NOS1: variants seen among roughly 807,000 people sequenced by gnomAD.
NOS1 encodes NOS type I.
A neutral mutation model predicts 164.5 loss-of-function variants in NOS1; 51 were observed. That is an observed-to-expected ratio of 0.31 (90% confidence interval 0.25 to 0.39). The LOEUF is 0.39. Among genes scored for constraint, NOS1 ranks in the 10% least tolerant of loss-of-function variants. NOS1 has a pLI of 1.00. For synonymous variants in NOS1, 719 were observed against 745.8 expected (o/e 0.96, Z 0.59); for missense variants, 1,362 against 1,885.6 (o/e 0.72, Z 5.14).
chr12:117,278,970 AAAT>A (rs1294063576), intron 8 of NOS1, among the ~76,000 whole-genome samples: 1 of 150,850 alleles, frequency 6.6e-6, no homozygotes, highest in Non-Finnish European at 1.5e-5. Context: ...GAGTGTATTT[AAAT>A]AATATATTTA....
chr12:117,213,658 C>G lies in NOS1; in HGVS notation c.*1651G>C, dbSNP rs1956561142. The G allele has an allele frequency of 3.0e-6, 3 of 985,284 alleles. No individual in the cohort carries two copies. Among genetic ancestry groups the G allele is most frequent in the Non-Finnish European group, 3.6e-6 (3 of 829,952 alleles). 61.0% of individuals were successfully genotyped at this position (985,284 alleles called of 1,614,324 possible). On this transcript the variant is annotated 3_prime_UTR_variant, in exon 29 of 29. Coordinates refer to ENST00000317775, the MANE Select transcript of NOS1 (RefSeq NM_000620.5). Reference sequence around the variant, plus strand: ...TTTAGCAGACACCCAAACTGAACAACAAGATATGCCCACGTACAGTATATA... The same window carrying G: ...TTTAGCAGACACCCAAACTGAACAAGAAGATATGCCCACGTACAGTATATA...
Position 117,278,713 on chromosome 12 carries a change from T to C in NOS1, c.1525-615A>G, listed in dbSNP as rs112035699. 4.9e-4 allele frequency among the ~76,000 whole-genome samples: 74 copies of C among 151,892 alleles called. 1 individual carries two copies. Among genetic ancestry groups the C allele is most frequent in the African/African-American group, 1.6e-3 (67 of 41,494 alleles). ...AAACAACTGGTGAAAATAATTTTGA[T>C]TTTATCTTTTTTTTGCTAGGCTTCT... On this transcript the variant is annotated intron_variant, in intron 8 of 28. Transcript: ENST00000317775.
chr12:117,258,501 G>T, intron 15 of NOS1, 46 bp from the exon 16 acceptor site: 1 of 1,592,558 alleles, frequency 6.3e-7, no homozygotes, highest in Non-Finnish European at 8.6e-7. Flanking sequence ...CTTAGTAAAT[G>T]GGAAATCAGG....
In NOS1 at chr12:117,260,787, C is replaced by A. The variant is rs41362246; in HGVS notation, c.2223-178G>T. Among the ~76,000 whole-genome samples the A allele has an allele frequency of 8.6e-3, 1,302 of 151,306 alleles. 17 individuals carry two copies. The highest frequency in any genetic ancestry group is 0.03 in the African/African-American group (1,211 of 41,008). On this transcript the variant is annotated intron_variant, in intron 13 of 28. Coordinates refer to ENST00000317775, the MANE Select transcript of NOS1 (RefSeq NM_000620.5). ...ACTTGAAGTCTTTGTGTTTAAGCAC[C>A]GTATTATTAAAGTATTATTAAATCC...
chr12:117,340,873 ATT>A (rs56322341), intron 1 of NOS1, among the ~76,000 whole-genome samples: 158 of 104,482 alleles, frequency 1.5e-3, no homozygotes, highest in African/African-American at 5.8e-3. Context: ...ACACCTGGCT[ATT>A]TTTTTTTTTT....
intron 3 of NOS1, among the ~76,000 whole-genome samples, chr12:117,309,972 T>A (rs1488024871): frequency 6.6e-6 from 1 of 152,178 alleles, no homozygotes; most frequent in African/African-American, 2.4e-5. Context: ...AGTAATACAA[T>A]CACAGCTCAC....
At chr12:117,223,710 A>C (rs1868399499) in intron 25 of NOS1, among the ~76,000 whole-genome samples, 1 of 149,782 alleles carries the variant, frequency 6.7e-6, no homozygotes, top group African/African-American at 2.5e-5. Context: ...GGTGGAGTGC[A>C]ATGGCACTAT....
chr12:117,334,071 G>C (rs1875685405), intron 1 of NOS1, among the ~76,000 whole-genome samples: 1 of 152,230 alleles, frequency 6.6e-6, no homozygotes, highest in Non-Finnish European at 1.5e-5. Context: ...CTTACTAAAG[G>C]ACAGAGGCGG....
Position 117,281,344 on chromosome 12 carries a change from AC to A in NOS1, c.1383-479del, listed in dbSNP as rs1302858433. ...AGACCAGCCTGGCCAACACAGTGAA[AC>A]CCCGTCTCTACAAAAATACAAAAAG... On this transcript the variant is annotated intron_variant, in intron 7 of 28. Coordinates refer to ENST00000317775, the MANE Select transcript of NOS1 (RefSeq NM_000620.5). Among the ~76,000 whole-genome samples the A allele has an allele frequency of 5.9e-5, 9 of 151,606 alleles. No homozygotes were observed. The East Asian group carries it at 1.8e-3, about 30-fold the overall frequency.
intron 20 of NOS1, among the ~76,000 whole-genome samples, chr12:117,241,959 A>G (rs890704852): frequency 1.3e-5 from 2 of 152,234 alleles, no homozygotes; most frequent in Admixed American, 6.5e-5. Flanking sequence ...CTTAGGAAGA[A>G]TGACTTGAAG....
In NOS1 at chr12:117,225,134, T is replaced by G. The variant is rs764494352; in HGVS notation, c.3708A>C (p.Ala1236=). ...GGTTCCGGGGCAGGTGGAAGCTGGG[T>G]GCTCTGGGCAAGGAAGAGGGGGTCA... The part of the protein sequence containing the change: ...DELVPCFVRG[A]PSFHLPRNPQ... The change falls in exon 25 of 29, where the codon GCA becomes GCC. Residue 1236 remains alanine, a synonymous_variant. Coordinates refer to ENST00000317775, the MANE Select transcript of NOS1 (RefSeq NM_000620.5). 11 of 1,611,880 alleles carry G rather than the reference T, an allele frequency of 6.8e-6. No homozygotes were observed. The Admixed American group carries it at 1.8e-4, about 27-fold the overall frequency.
chr12:117,302,614 A>AG (rs1873898986), intron 3 of NOS1, among the ~76,000 whole-genome samples: 1 of 151,868 alleles, frequency 6.6e-6, no homozygotes, highest in South Asian at 2.1e-4. Flanking sequence ...AAAAAAAAAA[A>AG]AAAATTAGTT....
At position 117,278,530 on chromosome 12, in the gene NOS1, AG is replaced by A. The variant is rs1156713708; in HGVS notation, c.1525-433del. ...CCAGCTCTGTGTTTGTAATAATATA[AG>A]GTATTGTAAGATACAAAGAAAATCT... On this transcript the variant is annotated intron_variant, in intron 8 of 28. Coordinates refer to ENST00000317775, the MANE Select transcript of NOS1 (RefSeq NM_000620.5). Among the ~76,000 whole-genome samples, 15 of 152,308 alleles carry A rather than the reference AG, an allele frequency of 9.8e-5. No homozygotes were observed. The East Asian group carries it at 1.9e-3, about 20-fold the overall frequency.
chr12:117,338,818 C>A (rs977629154), intron 1 of NOS1, among the ~76,000 whole-genome samples: 3 of 152,058 alleles, frequency 2.0e-5, no homozygotes, highest in Non-Finnish European at 4.4e-5. Flanking sequence ...TCAAAGAAAA[C>A]AAAACCCAGC....
chr12:117,326,656 C>T (rs147915231), intron 2 of NOS1, among the ~76,000 whole-genome samples: 199 of 152,250 alleles, frequency 1.3e-3, no homozygotes, highest in African/African-American at 3.5e-3. Context: ...GTGGGAGGGC[C>T]GCAAGGGATG....
intron 3 of NOS1, among the ~76,000 whole-genome samples, chr12:117,306,368 A>G (rs367589778): frequency 6.6e-6 from 1 of 151,782 alleles, no homozygotes; most frequent in Non-Finnish European, 1.5e-5. Flanking sequence ...CTGTCCTTTC[A>G]TTGTCACATC....
intron 3 of NOS1, among the ~76,000 whole-genome samples, chr12:117,307,658 T>C (rs975548994): frequency 2.0e-5 from 3 of 152,102 alleles, no homozygotes. Context: ...TGAGCCACTG[T>C]GCCCAGCCAA....
intron 8 of NOS1, among the ~76,000 whole-genome samples, chr12:117,279,385 C>A (rs113253738): frequency 0.041 from 6,093 of 149,720 alleles, 330 homozygotes; most frequent in African/African-American, 0.13. Flanking sequence ...AAAAAAAAAA[C>A]CAAAAAAAAC....
intron 1 of NOS1, among the ~76,000 whole-genome samples, chr12:117,360,680 C>T (rs368718088): frequency 1.6e-4 from 25 of 152,204 alleles, no homozygotes; most frequent in African/African-American, 6.0e-4. Flanking sequence ...GGCCCCCAGC[C>T]GCGGACAGCT....
Sources: allele counts gnomAD v4.1 joint callset (sites outside exome capture counted in the v4.1 genomes callset), GRCh38; gene constraint gnomAD v4.1.1; transcripts MANE v1.5; gene names NCBI Gene and HGNC (gene_info 2026-07-23, HGNC 2026-07-21).